The following MIA3 variants were observed in gnomAD, a reference collection of about 807,000 sequenced individuals.
MIA3 encodes the protein transport and Golgi organization protein 1 homolog.
MIA3 carries 90 observed loss-of-function variants against 192.4 expected under a neutral mutation model. The observed-to-expected ratio is 0.47, with a 90% confidence interval of 0.39 to 0.56. The LOEUF is 0.56. Among genes scored for constraint, MIA3 ranks in the 20% least tolerant of loss-of-function variants. The pLI is 0.00. For missense variants in MIA3, 2,123 were observed against 2,269.4 expected (o/e 0.94, Z 1.31); for synonymous variants, 740 against 792.8 (o/e 0.93, Z 1.12).
intron 7 of MIA3, among the ~76,000 whole-genome samples, chr1:222,646,965 T>C (rs1337184179): frequency 6.6e-6 from 1 of 152,166 alleles, no homozygotes; most frequent in Non-Finnish European, 1.5e-5. Context: ...CTTTAAGGTA[T>C]AGATAAACTG....
intron 18 of MIA3, among the ~76,000 whole-genome samples, chr1:222,656,654 C>G (rs1490220898): frequency 6.6e-5 from 10 of 151,994 alleles, no homozygotes; most frequent in Admixed American, 5.2e-4. Context: ...GAGTTTGGAG[C>G]CTCTTTTTTC....
chr1:222,665,267 T>A (rs541692301), intron 27 of MIA3, 42 bp from the exon 28 acceptor site: 2 of 1,229,378 alleles, frequency 1.6e-6, no homozygotes, highest in African/African-American at 1.6e-5. Context: ...TTAATTTAAA[T>A]ACGTTCCTAG....
chr1:222,645,758 T>C, intron 7 of MIA3, 73 bp downstream of exon 7: 1 of 1,339,228 alleles, frequency 7.5e-7, no homozygotes. Context: ...TTTGTTTCTT[T>C]TTCAGTTTCT....
intron 7 of MIA3, among the ~76,000 whole-genome samples, chr1:222,646,517 G>A (rs181344539): frequency 1.8e-4 from 28 of 151,988 alleles, no homozygotes; most frequent in African/African-American, 6.5e-4. Flanking sequence ...TTTGGGAGGC[G>A]GAGGCGGGTG....
At position 222,659,949 on chromosome 1, in the gene MIA3, C is replaced by A. The variant is rs767665908; in HGVS notation, c.4918C>A (p.Pro1640Thr). Residue 1640 changes from proline (P) to threonine (T), a missense_variant, in exon 23 of 28, where the codon CCT becomes ACT. Physicochemically the swap from Pro to Thr is conservative, Grantham distance 38. Transcript: ENST00000344922. ...AAAGATGGCAATGCTGCAAGAAGAA[C>A]CTGTGATTGTAAAACCAATGCCAGG... is the stretch of plus-strand genomic sequence containing the variant. ...TQKMAMLQEE[P>T]VIVKPMPGKP... 4 of 1,613,886 alleles carry A rather than the reference C, an allele frequency of 2.5e-6. No homozygotes were observed. The highest frequency in any genetic ancestry group is 3.4e-6 in the Non-Finnish European group (4 of 1,179,846).
rs1661688016 is a variant in MIA3, at chr1:222,618,152, C to A, written c.42C>A (p.Leu14=). Residue 14 remains leucine (L), a synonymous_variant, in exon 1 of 28, where the codon CTC becomes CTA. Coordinates refer to ENST00000344922, the MANE Select transcript of MIA3 (RefSeq NM_198551.4). ...GGCTGCTCGTCTGGCTGCTCGTGCT[C>A]CGGCTGCCCTGGCGGGTGCCGGGCC... ...APGLLVWLLV[L]RLPWRVPGQL... The A allele has an allele frequency of 4.0e-6, 6 of 1,509,406 alleles. No homozygotes were observed. Among genetic ancestry groups the A allele is most frequent in the East Asian group, 2.8e-5 (1 of 35,846 alleles). The allele number at this position is 1,509,406 out of a possible 1,614,324, so 93.5% of individuals were successfully genotyped here. A position where few individuals can be genotyped will look rare whatever the true frequency, so the allele number is the denominator to read the frequency against.
At position 222,659,975 on chromosome 1, in the gene MIA3, A is replaced by G. The variant is rs1474425757; in HGVS notation, c.4944A>G (p.Gly1648=). 4 of 1,613,806 alleles carry G rather than the reference A, an allele frequency of 2.5e-6. No individual in the cohort carries two copies. Among genetic ancestry groups the G allele is most frequent in the Non-Finnish European group, 1.7e-6 (2 of 1,179,788 alleles). The change falls in exon 23 of 28, where the codon GGA becomes GGG. Residue 1648 remains glycine (G), a synonymous_variant. Transcript: ENST00000344922. ...EEPVIVKPMP[G]KPNTQNPPRR... is the part of the protein sequence containing the mutation. ...CTGTGATTGTAAAACCAATGCCAGGAAAACCAAATACACAAAACCCTCCAC... is the reference window on the plus strand; with the variant it reads ...CTGTGATTGTAAAACCAATGCCAGGGAAACCAAATACACAAAACCCTCCAC...
chr1:222,635,816 A>G (rs1473657988), intron 6 of MIA3, among the ~76,000 whole-genome samples: 1 of 151,962 alleles, frequency 6.6e-6, no homozygotes, highest in Non-Finnish European at 1.5e-5. Context: ...AATTCCCTGT[A>G]CTCTAACCCT....
At chr1:222,663,915 T>G in intron 26 of MIA3, 83 bp from the exon 27 acceptor site, 4 of 1,297,208 alleles carry the variant, frequency 3.1e-6, no homozygotes, top group Non-Finnish European at 4.3e-6. Context: ...ATCTGCTTCA[T>G]TGGGTTTTAG....
intron 13 of MIA3, 73 bp downstream of exon 13, chr1:222,652,405 C>A: frequency 1.0e-6 from 1 of 969,276 alleles, no homozygotes; most frequent in Non-Finnish European, 1.7e-6. Context: ...TGCCTTTACT[C>A]AGATCTATTT....
rs115701054 is a variant in MIA3, at chr1:222,641,830, G to A, written c.3478-3724G>A. The A allele has an allele frequency of 6.8e-4, 360 of 527,356 alleles. 2 individuals are homozygous for A. The Middle Eastern group carries it at 7.2e-3, about 11-fold the overall frequency. The allele number at this position is 527,356 out of a possible 1,614,324, so 32.7% of individuals were successfully genotyped here. On this transcript the variant is annotated intron_variant, in intron 6 of 27. Transcript: ENST00000344922. ...CTGGTTCTTGAGCATTTCTAGCTGC[G>A]GCAGATTCATCTCTGTGATAGTCTT... is the stretch of plus-strand genomic sequence containing the variant.
intron 24 of MIA3, 27 bp downstream of exon 24, chr1:222,660,341 T>C: frequency 6.3e-7 from 1 of 1,595,608 alleles, no homozygotes; most frequent in South Asian, 1.1e-5. Flanking sequence ...TTCCTTGCAA[T>C]ACTCTTTTGG....
intron 2 of MIA3, among the ~76,000 whole-genome samples, chr1:222,622,018 TA>T (rs1194654205): frequency 6.6e-6 from 1 of 152,096 alleles, no homozygotes; most frequent in African/African-American, 2.4e-5. Context: ...CTGTGTTAGC[TA>T]GGTCTCGATC....
intron 6 of MIA3, chr1:222,641,712 C>A: frequency 3.6e-6 from 2 of 556,070 alleles, no homozygotes; most frequent in Non-Finnish European, 7.3e-6. Context: ...TCTCGCTCAG[C>A]ATGTTCAGAC....
chr1:222,629,721 TA>T lies in MIA3; in HGVS notation c.2506del (p.Ile836PhefsTer6). The T allele has an allele frequency of 1.9e-6, 3 of 1,614,134 alleles. No individual in the cohort carries two copies. The highest frequency in any genetic ancestry group is 2.5e-6 in the Non-Finnish European group (3 of 1,180,000). On this transcript the variant is annotated frameshift_variant, in exon 4 of 28. Transcript: ENST00000344922. LOFTEE classifies it high-confidence loss of function. ...GAACGAAGTGACTTTTCTGACAGCA[TA>T]AAAATTCAGACTCCAGAATTAGGTG... Reference protein sequence around the residue: ...PFERSDFSDSIKIQTPELGEV... With the variant: ...PFERSDFSDSXKIQTPELGEV...
chr1:222,644,280 G>T, intron 6 of MIA3: 1 of 1,395,412 alleles, frequency 7.2e-7, no homozygotes, highest in Non-Finnish European at 9.3e-7. Flanking sequence ...GTGCCTTGAG[G>T]TGCGCCAGGG....
chr1:222,618,477 T>C (rs936954833), intron 1 of MIA3, among the ~76,000 whole-genome samples: 7 of 152,152 alleles, frequency 4.6e-5, no homozygotes, highest in African/African-American at 1.2e-4. Context: ...GGCCTGACCA[T>C]GGGGGCTGCA....
rs2124844916 is a variant in MIA3 at position 222,629,413 on chromosome 1, A to G, written c.2193A>G (p.Leu731=). 1 of 1,614,260 alleles carries G rather than the reference A, an allele frequency of 6.2e-7. No individual in the cohort carries two copies. Among genetic ancestry groups the G allele is most frequent in the Non-Finnish European group, 8.5e-7 (1 of 1,180,044 alleles). Residue 731 remains leucine (L), a synonymous_variant, in exon 4 of 28, where the codon CTA becomes CTG. Coordinates refer to ENST00000344922, the MANE Select transcript of MIA3 (RefSeq NM_198551.4). ...ATGATTATCCCTCTGAAGAACTACT[A>G]GAGGATGAAAACGCTATAAATGCAA... is the stretch of plus-strand genomic sequence containing the variant. The part of the protein sequence containing the change: ...EEDDYPSEEL[L]EDENAINAKR...
intron 8 of MIA3, among the ~76,000 whole-genome samples, chr1:222,650,068 A>G (rs114825418): frequency 1.9e-3 from 296 of 152,246 alleles, no homozygotes; most frequent in African/African-American, 6.6e-3. Context: ...TTATGATCCA[A>G]TCACCTTCCA....
Sources: allele counts gnomAD v4.1 joint callset (sites outside exome capture counted in the v4.1 genomes callset), GRCh38; gene constraint gnomAD v4.1.1; transcripts MANE v1.5; gene names NCBI Gene and HGNC (gene_info 2026-07-23, HGNC 2026-07-21).